HINT3: variants seen among roughly 807,000 people sequenced by gnomAD.
The protein encoded by HINT3 is adenosine 5'-monophosphoramidase HINT3.
In HINT3, 16 loss-of-function variants were observed where a neutral mutation model predicts 19.1. The observed-to-expected ratio is 0.84, with a 90% CI of 0.57 to 1.27. HINT3 has a LOEUF of 1.27. Among genes scored for constraint, HINT3 ranks in the 50% most tolerant of loss-of-function variants. The pLI is 0.00. For synonymous variants in HINT3, 75 were observed against 84.8 expected (o/e 0.88, Z 0.63); for missense variants, 197 against 225.8 (o/e 0.87, Z 0.82).
chr6:125,959,892 A>T (rs909395573), intron 1 of HINT3, among the ~76,000 whole-genome samples: 3 of 152,208 alleles, frequency 2.0e-5, no homozygotes, highest in African/African-American at 7.2e-5. Flanking sequence ...TAAACAAAAC[A>T]TGCAAAACTC....
intron 2 of HINT3, among the ~76,000 whole-genome samples, chr6:125,970,253 T>C (rs1583590756): frequency 6.6e-6 from 1 of 152,314 alleles, no homozygotes; most frequent in East Asian, 1.9e-4. Flanking sequence ...TTTGAGAACA[T>C]ATATGATTTA....
chr6:125,967,061 G>A (rs1490910793), intron 2 of HINT3, 57 bp downstream of exon 2: 1 of 1,070,826 alleles, frequency 9.3e-7, no homozygotes, highest in African/African-American at 1.6e-5. Flanking sequence ...TATCAGTGAT[G>A]GCAGTGAAGA....
At chr6:125,967,776 T>C (rs977647793) in intron 2 of HINT3, among the ~76,000 whole-genome samples, 4 of 152,192 alleles carry the variant, frequency 2.6e-5, no homozygotes, top group Non-Finnish European at 5.9e-5. Flanking sequence ...CCTTATAGTA[T>C]CCTGTGAAGA....
At chr6:125,959,051 G>A (rs1299475876) in intron 1 of HINT3, among the ~76,000 whole-genome samples, 1 of 152,176 alleles carries the variant, frequency 6.6e-6, no homozygotes, top group Non-Finnish European at 1.5e-5. Context: ...GGGAGTGGTG[G>A]GAGGTAGCAA....
rs955778235 is a variant in HINT3, at chr6:125,979,801, T to C, written c.*2125T>C. The C allele has an allele frequency of 6.6e-6, 1 of 152,180 alleles. No individual in the cohort carries two copies. Among genetic ancestry groups the C allele is most frequent in the East Asian group, 1.9e-4 (1 of 5,198 alleles). The allele number at this position is 152,180 out of a possible 1,614,324, so 9.4% of individuals were successfully genotyped here. ...GTAAAGTATTTAAGGAATTCTCAGATGCCTTATGGACCTCTTCAAAAATGT... is the reference window on the plus strand; with the variant it reads ...GTAAAGTATTTAAGGAATTCTCAGACGCCTTATGGACCTCTTCAAAAATGT... On this transcript the variant is annotated 3_prime_UTR_variant, in exon 5 of 5. Transcript: ENST00000229633.
chr6:125,960,459 C>T (rs1788903310), intron 1 of HINT3, among the ~76,000 whole-genome samples: 1 of 152,122 alleles, frequency 6.6e-6, no homozygotes, highest in Non-Finnish European at 1.5e-5. Flanking sequence ...GAGTTCGAGA[C>T]CAGCCTGGCC....
At chr6:125,957,428 T>C (rs1583586563) in intron 1 of HINT3, among the ~76,000 whole-genome samples, 1 of 152,216 alleles carries the variant, frequency 6.6e-6, no homozygotes, top group South Asian at 2.1e-4. Flanking sequence ...GCTCCAGCGG[T>C]ATCTTTGCTG....
rs1324234261 is a variant in HINT3, at chr6:125,978,887, T to C, written c.*1211T>C. ...TCATTCAGCAAACATTTGTTGAACA[T>C]TTAATGTGTACCAGATATTGCCAGG... On this transcript the variant is annotated 3_prime_UTR_variant, in exon 5 of 5. Transcript: ENST00000229633. 1 of 152,222 alleles carries C rather than the reference T, an allele frequency of 6.6e-6. No individual in the cohort carries two copies. The highest frequency in any genetic ancestry group is 1.9e-4 in the East Asian group (1 of 5,202). 9.4% of individuals were successfully genotyped at this position (152,222 alleles called of 1,614,324 possible).
At chr6:125,958,279 A>G (rs555369466) in intron 1 of HINT3, among the ~76,000 whole-genome samples, 2 of 152,240 alleles carry the variant, frequency 1.3e-5, no homozygotes, top group Non-Finnish European at 2.9e-5. Context: ...AGAGTTTGAG[A>G]GGATGAAAGG....
At chr6:125,970,753 C>A (rs1433617691) in intron 2 of HINT3, among the ~76,000 whole-genome samples, 1 of 152,054 alleles carries the variant, frequency 6.6e-6, no homozygotes, top group African/African-American at 2.4e-5. Context: ...CCAAAGTTGA[C>A]CATATTCCGA....
At chr6:125,958,383 TCACA>T (rs1788870800) in intron 1 of HINT3, among the ~76,000 whole-genome samples, 1 of 152,202 alleles carries the variant, frequency 6.6e-6, no homozygotes, top group East Asian at 1.9e-4. Flanking sequence ...AAGTGAAACT[TCACA>T]ATGTTTAATG....
chr6:125,966,424 C>T (rs1203339948), intron 1 of HINT3, among the ~76,000 whole-genome samples: 1 of 151,914 alleles, frequency 6.6e-6, no homozygotes, highest in African/African-American at 2.4e-5. Context: ...AAATGCAATC[C>T]CTGGACATGT....
chr6:125,960,655 T>TGG lies in HINT3; in HGVS notation c.201+3486_201+3487dup, dbSNP rs1310946166. Among the ~76,000 whole-genome samples the TGG allele has an allele frequency of 7.9e-5, 6 of 76,210 alleles. 2 individuals carry two copies. The highest frequency in any genetic ancestry group is 1.4e-4 in the African/African-American group (4 of 28,162). 50.0% of individuals were successfully genotyped at this position (76,210 alleles called of 152,430 possible). A position where few individuals can be genotyped will look rare whatever the true frequency, so the allele number is the denominator to read the frequency against. On this transcript the variant is annotated intron_variant, in intron 1 of 4. Coordinates refer to ENST00000229633, the MANE Select transcript of HINT3 (RefSeq NM_138571.5). The stretch of plus-strand genomic sequence containing the variant: ...CTGGGTGACAGAGCAAGACTCTCTC[T>TGG]GGGGGGGGGGAAAAAAAAAGAAGTT...
intron 3 of HINT3, among the ~76,000 whole-genome samples, chr6:125,974,070 C>A (rs1426045172): frequency 1.3e-5 from 2 of 152,144 alleles, no homozygotes; most frequent in African/African-American, 4.8e-5. Context: ...TGCAGTATAG[C>A]ACTTCTATGC....
chr6:125,968,836 CT>C (rs1254282221), intron 2 of HINT3, among the ~76,000 whole-genome samples: 2 of 151,838 alleles, frequency 1.3e-5, no homozygotes, highest in Admixed American at 1.3e-4. Flanking sequence ...CCGTTTATGT[CT>C]TTTGCCCATT....
chr6:125,963,850 A>T (rs979424114), intron 1 of HINT3, among the ~76,000 whole-genome samples: 3 of 152,180 alleles, frequency 2.0e-5, no homozygotes, highest in Non-Finnish European at 2.9e-5. Flanking sequence ...CACAATTCCA[A>T]TTTAAGAAGG....
chr6:125,957,139 G>A lies in HINT3; in HGVS notation c.162G>A (p.Ala54=). The A allele has an allele frequency of 6.5e-7, 1 of 1,550,192 alleles. No homozygotes were observed. The highest frequency in any genetic ancestry group is 8.7e-7 in the Non-Finnish European group (1 of 1,146,586). ...YDSTCVFCRI[A]GRQDPGTELL... ...GCACCTGCGTGTTCTGCCGGATCGC[G>A]GGGCGGCAGGACCCGGGCACCGAAC... Residue 54 remains alanine, a synonymous_variant, in exon 1 of 5, where the codon GCG becomes GCA. Coordinates refer to ENST00000229633, the MANE Select transcript of HINT3 (RefSeq NM_138571.5).
intron 4 of HINT3, among the ~76,000 whole-genome samples, chr6:125,977,147 G>C (rs1386859896): frequency 6.6e-6 from 1 of 152,140 alleles, no homozygotes; most frequent in Non-Finnish European, 1.5e-5. Context: ...ATAAGGACAT[G>C]TATCCACCAT....
intron 3 of HINT3, among the ~76,000 whole-genome samples, chr6:125,973,808 T>C (rs2128711942): frequency 6.6e-6 from 1 of 152,364 alleles, no homozygotes; most frequent in African/African-American, 2.4e-5. Flanking sequence ...GAGTCTCAAC[T>C]CCAGCTCCAC....
Sources: gnomAD v4.1 joint callset for allele counts (sites outside exome capture counted in the v4.1 genomes callset) on GRCh38, gnomAD v4.1.1 for gene constraint, MANE v1.5 for transcripts, NCBI Gene and HGNC (gene_info 2026-07-23, HGNC 2026-07-21) for gene names.